LRRC49: variants seen among roughly 807,000 people sequenced by gnomAD.
LRRC49 encodes leucine rich repeat containing 49.
Under a neutral mutation model 83.3 loss-of-function variants are expected in LRRC49, and 50 were observed. The ratio of observed to expected loss-of-function variants is 0.60; its 90% confidence interval spans 0.48 to 0.76. The LOEUF (loss-of-function observed/expected upper bound fraction) is 0.76. Ranked by LOEUF, LRRC49 falls within the 30% of genes least tolerant of loss-of-function variation. LRRC49 has a pLI of 0.00. For missense variants in LRRC49, 704 were observed against 809.1 expected (o/e 0.87, Z 1.58); for synonymous variants, 286 against 283.3 (o/e 1.01, Z -0.10).
At chr15:71,018,476 T>G (rs1210069894) in intron 14 of LRRC49, among the ~76,000 whole-genome samples, 1 of 152,210 alleles carries the variant, frequency 6.6e-6, no homozygotes, top group Non-Finnish European at 1.5e-5. Context: ...CATTAAAGTT[T>G]TGGGGAGCTG....
chr15:70,948,437 A>G (rs2036090166), intron 8 of LRRC49, among the ~76,000 whole-genome samples: 1 of 150,846 alleles, frequency 6.6e-6, no homozygotes, highest in South Asian at 2.1e-4. Flanking sequence ...ATGTACTTGT[A>G]TTAATATTAC....
chr15:70,980,069 C>T (rs942952835), intron 9 of LRRC49, 32 bp from the exon 10 acceptor site: 2 of 1,445,072 alleles, frequency 1.4e-6, no homozygotes, highest in Non-Finnish European at 1.9e-6. Context: ...TGGTTAAACT[C>T]TTCATAATAC....
At chr15:70,946,339 T>C (rs569875372) in intron 8 of LRRC49, among the ~76,000 whole-genome samples, 1 of 152,214 alleles carries the variant, frequency 6.6e-6, no homozygotes, top group Admixed American at 6.5e-5. Flanking sequence ...GAGATCATGT[T>C]GTATTTGTTT....
In LRRC49 at chr15:71,031,855, G is replaced by A. The variant is rs374247091; in HGVS notation, c.1704-5324G>A. Among the ~76,000 whole-genome samples, 3 of 152,064 alleles carry A rather than the reference G, an allele frequency of 2.0e-5. No homozygotes were observed. In the South Asian group the frequency reaches 6.2e-4, roughly 32 times the overall value. On this transcript the variant is annotated intron_variant, in intron 14 of 15. Coordinates refer to ENST00000260382, the MANE Select transcript of LRRC49 (RefSeq NM_017691.5). ...GGACACCCCTCCCCCCACCAAGCTCGATCATCCCGGGTCAACTTCAGCCTA... is the reference window on the plus strand; with the variant it reads ...GGACACCCCTCCCCCCACCAAGCTCAATCATCCCGGGTCAACTTCAGCCTA...
At chr15:71,037,087 GTA>G in intron 14 of LRRC49, 90 bp from the exon 15 acceptor site, 1 of 851,634 alleles carries the variant, frequency 1.2e-6, no homozygotes, top group Non-Finnish European at 1.9e-6. Flanking sequence ...ATTCAAAAAA[GTA>G]TATGTTCTCC....
At chr15:70,876,623 G>T (rs575913182) in intron 2 of LRRC49, among the ~76,000 whole-genome samples, 2 of 152,210 alleles carry the variant, frequency 1.3e-5, no homozygotes, top group South Asian at 4.2e-4. Context: ...GCCAGTTCTT[G>T]TTACCCACAC....
chr15:71,034,778 C>T (rs771172157), intron 14 of LRRC49, among the ~76,000 whole-genome samples: 24 of 152,132 alleles, frequency 1.6e-4, no homozygotes, highest in Non-Finnish European at 2.4e-4. Flanking sequence ...TTAGCCTCAG[C>T]GGACTAACAC....
chr15:70,931,232 C>T (rs2035394660), intron 7 of LRRC49, among the ~76,000 whole-genome samples: 1 of 151,952 alleles, frequency 6.6e-6, no homozygotes, highest in South Asian at 2.1e-4. Context: ...TATTGTTGTG[C>T]CTCGAGGCAA....
chr15:71,035,111 A>AT (rs1207871659), intron 14 of LRRC49, among the ~76,000 whole-genome samples: 1 of 152,130 alleles, frequency 6.6e-6, no homozygotes, highest in Non-Finnish European at 1.5e-5. Flanking sequence ...AAATTATACT[A>AT]TGTAACTATC....
At chr15:70,997,659 GA>G (rs2038120527) in intron 11 of LRRC49, among the ~76,000 whole-genome samples, 1 of 152,230 alleles carries the variant, frequency 6.6e-6, no homozygotes, top group South Asian at 2.1e-4. Context: ...GCTGAGGCAG[GA>G]GAATCACTTG....
At position 70,982,116 on chromosome 15, in the gene LRRC49, G is replaced by A. The variant is rs559639185; in HGVS notation, c.1005+1932G>A. 5.9e-5 allele frequency among the ~76,000 whole-genome samples: 9 copies of A among 151,972 alleles called. No homozygotes were observed. The South Asian group carries it at 1.7e-3, about 28-fold the overall frequency. ...AAGCTTAACTTTTGCACTAATATAG[G>A]AAAACGTTTGCATTTTCAAAGATTA... is the stretch of plus-strand genomic sequence containing the variant. On this transcript the variant is annotated intron_variant, in intron 10 of 15. Transcript: ENST00000260382.
chr15:70,936,515 G>GC, intron 7 of LRRC49: 2 of 385,770 alleles, frequency 5.2e-6, no homozygotes, highest in East Asian at 7.5e-5. Context: ...GCTAGCGGCA[G>GC]CGTCTCTCCC....
chr15:70,989,213 A>T (rs997849474), intron 11 of LRRC49, among the ~76,000 whole-genome samples: 2 of 152,128 alleles, frequency 1.3e-5, no homozygotes, highest in African/African-American at 4.8e-5. Context: ...GTTCTCCTGG[A>T]TAATATCCTG....
At position 70,898,789 on chromosome 15, in the gene LRRC49, A is replaced by G. The variant is rs374784406; in HGVS notation, c.194-2133A>G. Among the ~76,000 whole-genome samples, 22 of 151,956 alleles carry G rather than the reference A, an allele frequency of 1.4e-4. No homozygotes were observed. In the East Asian group the frequency reaches 4.2e-3, roughly 29 times the overall value. ...GACAGAGCAAGACCCTGTCTCAAAA[A>G]GAAAGAAAGAAAAAGGAAATAAACA... On this transcript the variant is annotated intron_variant, in intron 3 of 15. Coordinates refer to ENST00000260382, the MANE Select transcript of LRRC49 (RefSeq NM_017691.5).
At chr15:71,042,050 A>G (rs1295004873) in intron 15 of LRRC49, among the ~76,000 whole-genome samples, 3 of 152,240 alleles carry the variant, frequency 2.0e-5, no homozygotes, top group Admixed American at 1.3e-4. Context: ...TATTTTAATA[A>G]GAAGAGAAAA....
chr15:70,937,187 G>A (rs1312228391), intron 8 of LRRC49, among the ~76,000 whole-genome samples: 2 of 152,128 alleles, frequency 1.3e-5, no homozygotes, highest in African/African-American at 4.8e-5. Context: ...AATTTGTATA[G>A]CTACTAAGCA....
In LRRC49 at chr15:70,863,696, C is replaced by T. The variant is rs562882039; in HGVS notation, c.-298-9212C>T. Among the ~76,000 whole-genome samples, 36 of 152,314 alleles carry T rather than the reference C, an allele frequency of 2.4e-4. 1 individual carries two copies. Among genetic ancestry groups the T allele is most frequent in the African/African-American group, 7.5e-4 (31 of 41,574 alleles). Reference sequence around the variant, plus strand: ...ATGAGTGATTTGGGGGACAGAGTAGCGTCTGATATGTGTTTGTTTGCCTGT... The same window carrying T: ...ATGAGTGATTTGGGGGACAGAGTAGTGTCTGATATGTGTTTGTTTGCCTGT... On this transcript the variant is annotated intron_variant, in intron 1 of 16. Coordinates refer to the LRRC49 transcript ENST00000544974.
At chr15:70,891,976 CCT>C (rs756547198), upstream of LRRC49, 4 of 1,613,526 alleles carry the variant, frequency 2.5e-6, no homozygotes, top group Non-Finnish European at 3.4e-6. Flanking sequence ...CCTCCTCTCC[CCT>C]CTTAGGTGCC....
intron 3 of LRRC49, among the ~76,000 whole-genome samples, chr15:70,897,686 A>G (rs371836792): frequency 2.9e-4 from 44 of 152,294 alleles, no homozygotes; most frequent in African/African-American, 1.0e-3. Flanking sequence ...CAAACATATC[A>G]TAGCCTGTCC....
Sources: gnomAD v4.1 joint callset for allele counts (sites outside exome capture counted in the v4.1 genomes callset) on GRCh38, gnomAD v4.1.1 for gene constraint, MANE v1.5 for transcripts, NCBI Gene and HGNC (gene_info 2026-07-23, HGNC 2026-07-21) for gene names.